The following DDHD2 variants were observed in gnomAD, a reference collection of about 807,000 sequenced individuals.
The protein encoded by DDHD2 is DDHD domain containing 2.
A neutral mutation model predicts 91.2 loss-of-function variants in DDHD2; 62 were observed. The observed-to-expected ratio is 0.68, with a 90% confidence interval of 0.55 to 0.84. The LOEUF is 0.84. Ranked by LOEUF, DDHD2 falls within the 40% of genes least tolerant of loss-of-function variation. DDHD2 has a pLI of 0.00. For synonymous variants in DDHD2, 271 were observed against 293.9 expected (o/e 0.92, Z 0.80); for missense variants, 740 against 846.9 (o/e 0.87, Z 1.57).
At chr8:38,266,031 C>G (rs1198298442), downstream of DDHD2, 23 of 965,734 alleles carry the variant, frequency 2.4e-5, no homozygotes, top group East Asian at 5.9e-4. Context: ...CATCCATACT[C>G]ATTAATTTGT....
At chr8:38,254,596 T>G (rs1213808442) in intron 16 of DDHD2, among the ~76,000 whole-genome samples, 1 of 152,064 alleles carries the variant, frequency 6.6e-6, no homozygotes, top group Non-Finnish European at 1.5e-5. Flanking sequence ...GGTCTAAACT[T>G]CAAGCAATCA....
At chr8:38,272,507 G>A (rs1906672), downstream of DDHD2, 31,662 of 152,094 alleles carry the variant, frequency 0.21, 3,544 homozygotes, top group East Asian at 0.32. Context: ...TTCTTCCCTC[G>A]CAGCAGTGGC....
chr8:38,254,075 C>CAAAAA (rs76331678), intron 16 of DDHD2, among the ~76,000 whole-genome samples: 1 of 133,466 alleles, frequency 7.5e-6, no homozygotes, highest in African/African-American at 2.8e-5. Context: ...GACCCTGTCT[C>CAAAAA]AAAAAAAAAA....
intron 10 of DDHD2, among the ~76,000 whole-genome samples, chr8:38,249,181 C>T (rs563971893): frequency 1.3e-4 from 20 of 151,832 alleles, no homozygotes; most frequent in South Asian, 4.2e-4. Context: ...GGCGCGATCT[C>T]GGCTCACTGC....
At chr8:38,240,022 C>T (rs1273638565) in intron 5 of DDHD2, among the ~76,000 whole-genome samples, 4 of 151,022 alleles carry the variant, frequency 2.6e-5, no homozygotes, top group East Asian at 3.9e-4. Context: ...CGCGCCCAGC[C>T]GAGTTTTCTT....
At chr8:38,232,115 G>C (rs1430500462) in intron 1 of DDHD2, 1 of 152,466 alleles carries the variant, frequency 6.6e-6, no homozygotes, top group Non-Finnish European at 1.5e-5. Flanking sequence ...CTAGGGTCGC[G>C]GGGGCCAGGG....
intron 3 of DDHD2, among the ~76,000 whole-genome samples, 185 bp downstream of exon 3, chr8:38,234,769 ATTTTT>A (rs373591192): frequency 7.0e-6 from 1 of 142,256 alleles, no homozygotes; most frequent in Non-Finnish European, 1.5e-5. Flanking sequence ...TTATTTTCAG[ATTTTT>A]TTTTTTTTTT....
chr8:38,257,125 G>C (rs1434272626), intron 16 of DDHD2, among the ~76,000 whole-genome samples: 2 of 151,838 alleles, frequency 1.3e-5, no homozygotes, highest in South Asian at 2.1e-4. Context: ...GTGGAAATGG[G>C]GTTTTGCCAT....
At chr8:38,237,403 G>C in intron 3 of DDHD2, 135 bp from the exon 4 acceptor site, 1 of 529,702 alleles carries the variant, frequency 1.9e-6, no homozygotes, top group South Asian at 2.1e-5. Flanking sequence ...ACAACAAAAA[G>C]ATTTAAAAAT....
At chr8:38,232,864 G>A (rs1804394412) in intron 1 of DDHD2, 123 bp from the exon 2 acceptor site, 3 of 651,840 alleles carry the variant, frequency 4.6e-6, no homozygotes, top group Non-Finnish European at 7.9e-6. Context: ...TTTAAATTAT[G>A]TAGATTTTGT....
At chr8:38,249,463 T>G (rs1291720445) in intron 10 of DDHD2, among the ~76,000 whole-genome samples, 1 of 151,804 alleles carries the variant, frequency 6.6e-6, no homozygotes, top group East Asian at 1.9e-4. Flanking sequence ...CTGTTTTTTT[T>G]TTTTTTTTTT....
At position 38,252,829 on chromosome 8, in the gene DDHD2, G is replaced by C. The variant is rs757212003; in HGVS notation, c.1720+5G>C. ...GCAGGAAGCGGATGCACTTAGGTAAGTCCGAGCATAGAACTTGATAATTCT... is the reference window on the plus strand; with the variant it reads ...GCAGGAAGCGGATGCACTTAGGTAACTCCGAGCATAGAACTTGATAATTCT... On this transcript the variant is annotated splice_donor_5th_base_variant and intron_variant, in intron 14 of 17. Coordinates refer to ENST00000397166, the MANE Select transcript of DDHD2 (RefSeq NM_015214.3). 6.2e-7 allele frequency: 1 copy of C among 1,613,652 alleles called. No homozygotes were observed. The highest frequency in any genetic ancestry group is 1.1e-5 in the South Asian group (1 of 91,070).
At chr8:38,266,261 G>A, downstream of DDHD2, 3 of 1,613,738 alleles carry the variant, frequency 1.9e-6, no homozygotes, top group Non-Finnish European at 2.5e-6. Context: ...GTGAAGCAGT[G>A]TAACTTCCCT....
In DDHD2 at chr8:38,246,178, A is replaced by G; in HGVS notation, c.1058-55A>G. ...GGCTTATGCCTTTTTTGTATAACAG[A>G]GAGCCATTTAGTGCTAATGCTTAGA... On this transcript the variant is annotated intron_variant, in intron 8 of 17. Coordinates refer to ENST00000397166, the MANE Select transcript of DDHD2 (RefSeq NM_015214.3). 3 of 1,319,640 alleles carry G rather than the reference A, an allele frequency of 2.3e-6. No individual in the cohort carries two copies. In the South Asian group the frequency reaches 3.7e-5, roughly 16 times the overall value. 81.7% of individuals were successfully genotyped at this position (1,319,640 alleles called of 1,614,324 possible).
At position 38,252,842 on chromosome 8, in the gene DDHD2, A is replaced by C. The variant is rs755188425; in HGVS notation, c.1720+18A>C. On this transcript the variant is annotated intron_variant, in intron 14 of 17. Transcript: ENST00000397166. ...GCACTTAGGTAAGTCCGAGCATAGA[A>C]CTTGATAATTCTAGACCTTTTGGCC... 47 of 1,612,684 alleles carry C rather than the reference A, an allele frequency of 2.9e-5. No individual in the cohort carries two copies. Among genetic ancestry groups the C allele is most frequent in the Non-Finnish European group, 3.9e-5 (46 of 1,178,840 alleles).
intron 1 of DDHD2, chr8:38,267,887 T>C (rs747095571): frequency 1.9e-6 from 3 of 1,613,770 alleles, no homozygotes; most frequent in Admixed American, 3.3e-5. Flanking sequence ...GGTTAGCTGT[T>C]GTCACTTACC....
intron 1 of DDHD2, chr8:38,270,451 A>G (rs1303152027): frequency 6.6e-6 from 1 of 152,216 alleles, no homozygotes; most frequent in Non-Finnish European, 1.5e-5. Context: ...ATAAAAAATG[A>G]TATTAGCCAG....
downstream of DDHD2, chr8:38,263,989 G>T (rs1294720197): frequency 2.0e-6 from 2 of 985,884 alleles, no homozygotes; most frequent in Non-Finnish European, 2.4e-6. Flanking sequence ...CCTCAAGATA[G>T]ATGAGCAGGG....
chr8:38,264,955 GGAAGGAATAAAGTATTTTAA>G, downstream of DDHD2: 1 of 1,595,380 alleles, frequency 6.3e-7, no homozygotes, highest in Non-Finnish European at 8.6e-7. Context: ...GGGTCCTAGA[GGAAGGAATAAAGTATTTTAA>G]GAGTTGCTTC....
Sources: allele counts gnomAD v4.1 joint callset (sites outside exome capture counted in the v4.1 genomes callset), GRCh38; gene constraint gnomAD v4.1.1; transcripts MANE v1.5; gene names NCBI Gene and HGNC (gene_info 2026-07-23, HGNC 2026-07-21).